Variants in C16orf46 observed in about 807,000 individuals in gnomAD.
The protein encoded by C16orf46 is chromosome 16 open reading frame 46, also known as uncharacterized protein C16orf46.
A neutral mutation model predicts 5.5 loss-of-function variants in C16orf46; 7 were observed. That is an observed-to-expected ratio of 1.28 (90% confidence interval 0.73 to 2.40). The LOEUF (loss-of-function observed/expected upper bound fraction) is 2.40, where lower values mean the gene tolerates loss of function less well. Ranked by LOEUF, C16orf46 falls within the 30% of genes most tolerant of loss-of-function variation. The pLI, the probability that C16orf46 is intolerant of heterozygous loss-of-function variation, is 0.00. For missense variants in C16orf46, 614 were observed against 476.0 expected (o/e 1.29, Z -2.70); for synonymous variants, 200 against 184.1 (o/e 1.09, Z -0.70).
chr16:81,074,259 A>G (rs1018720324), intron 1 of C16orf46, among the ~76,000 whole-genome samples: 1 of 152,246 alleles, frequency 6.6e-6, no homozygotes, highest in African/African-American at 2.4e-5. Flanking sequence ...CCTGGAACTG[A>G]AAGCAATACC....
intron 1 of C16orf46, among the ~76,000 whole-genome samples, chr16:81,073,065 T>C (rs1971910400): frequency 1.3e-5 from 2 of 152,212 alleles, no homozygotes; most frequent in Admixed American, 6.5e-5. Context: ...AGCTACCTTA[T>C]AGGAAGTCAC....
At chr16:81,054,010 T>C in exon 4 of C16orf46, 1 of 1,539,716 alleles carries the variant, frequency 6.5e-7, no homozygotes, top group Non-Finnish European at 9.0e-7. Context: ...AAATATTTGC[T>C]TTTATGATTA....
At position 81,061,891 on chromosome 16, in the gene C16orf46, G is replaced by A; in HGVS notation, c.458C>T (p.Pro153Leu). 1 of 1,614,194 alleles carries A rather than the reference G, an allele frequency of 6.2e-7. No homozygotes were observed. Among genetic ancestry groups the A allele is most frequent in the South Asian group, 1.1e-5 (1 of 91,084 alleles). ...ASRAISDICF[P>L]TYFRAEKKSL... ...TTTTTTCTCTGCTCGAAAGTAGGTG[G>A]GAAAGCAGATGTCGCTAATTGCCCT... The change falls in exon 4 of 4, where the codon CCC becomes CTC. Residue 153 changes from proline to leucine, a missense_variant. Physicochemically the swap from Pro to Leu is moderately conservative, Grantham distance 98. Transcript: ENST00000299578.
chr16:81,073,814 G>C (rs1039003866), intron 1 of C16orf46, among the ~76,000 whole-genome samples: 8 of 152,148 alleles, frequency 5.3e-5, no homozygotes, highest in African/African-American at 1.9e-4. Context: ...TTTACAGTGA[G>C]GAATTAAACA....
downstream of C16orf46, among the ~76,000 whole-genome samples, chr16:81,059,195 C>G (rs77071017): frequency 6.6e-6 from 1 of 151,558 alleles, no homozygotes; most frequent in East Asian, 1.9e-4. Flanking sequence ...GTGGTGGGCA[C>G]CTGTAATACA....
downstream of C16orf46, among the ~76,000 whole-genome samples, chr16:81,057,170 AG>A (rs1971322323): frequency 6.6e-6 from 1 of 152,214 alleles, no homozygotes; most frequent in Non-Finnish European, 1.5e-5. Flanking sequence ...AAGATAGGCC[AG>A]GTGATGGGGT....
At chr16:81,057,359 GC>G (rs1471557585), downstream of C16orf46, among the ~76,000 whole-genome samples, 7 of 151,988 alleles carry the variant, frequency 4.6e-5, no homozygotes, top group Middle Eastern at 6.8e-3. Context: ...GACTAGCCTG[GC>G]CTACATGGTG....
At chr16:81,074,037 A>C (rs376673311) in intron 1 of C16orf46, among the ~76,000 whole-genome samples, 43 of 152,360 alleles carry the variant, frequency 2.8e-4, no homozygotes, top group East Asian at 2.5e-3. Context: ...ACTTTACAGG[A>C]ATGTTTTTTC....
chr16:81,060,228 A>G (rs372005689), downstream of C16orf46, among the ~76,000 whole-genome samples: 1 of 152,194 alleles, frequency 6.6e-6, no homozygotes, highest in East Asian at 1.9e-4. Context: ...TAGTGTATAT[A>G]CATGGAAACA....
At chr16:81,063,246 GAAAAAAA>G (rs371975396) in intron 3 of C16orf46, among the ~76,000 whole-genome samples, 394 of 100,810 alleles carry the variant, frequency 3.9e-3, no homozygotes, top group African/African-American at 0.014. Context: ...CCATCTCAGG[GAAAAAAA>G]AAAAAAAAAA....
rs1836919342 is a variant in C16orf46, at chr16:81,061,655, A to C, written c.694T>G (p.Ser232Ala). The change falls in exon 4 of 4, where the codon TCT becomes GCT. Residue 232 changes from serine (S) to alanine (A), a missense_variant. Transcript: ENST00000299578. The stretch of plus-strand genomic sequence containing the variant: ...ACCTTCTCTTCTGACTGCAAGAAAG[A>C]GTTCTTACTCTTCTTACCCAGAACA... Reference protein sequence around the residue: ...LDVLGKKSKNSFLQSEEKVLD... With the variant: ...LDVLGKKSKNAFLQSEEKVLD... 1 of 1,614,180 alleles carries C rather than the reference A, an allele frequency of 6.2e-7. No individual in the cohort carries two copies. Among genetic ancestry groups the C allele is most frequent in the Admixed American group, 1.7e-5 (1 of 60,016 alleles).
downstream of C16orf46, chr16:81,056,158 CT>C (rs1397533732): frequency 6.6e-6 from 1 of 152,202 alleles, no homozygotes; most frequent in African/African-American, 2.4e-5. Context: ...TATTGGCTGC[CT>C]TTTCATATTT....
chr16:81,077,216 G>A lies in C16orf46; in HGVS notation c.-208C>T, dbSNP rs911399072. On this transcript the variant is annotated 5_prime_UTR_variant, in exon 1 of 4. Coordinates refer to ENST00000299578, the MANE Select transcript of C16orf46 (RefSeq NM_152337.3). ...AGAGCTACTCAGGTCGCTGCCGGAT[G>A]GGCCGTTGCCTTGGGTTACGACCAC... 6 of 152,308 alleles carry A rather than the reference G, an allele frequency of 3.9e-5. No individual in the cohort carries two copies. Among genetic ancestry groups the A allele is most frequent in the African/African-American group, 1.2e-4 (5 of 41,478 alleles). The allele number at this position is 152,308 out of a possible 1,614,324, so 9.4% of individuals were successfully genotyped here.
Position 81,072,991 on chromosome 16 carries a change from T to C in C16orf46, c.-128+4145A>G, listed in dbSNP as rs570551628. 2.6e-5 allele frequency among the ~76,000 whole-genome samples: 4 copies of C among 152,268 alleles called. No homozygotes were observed. The South Asian group carries it at 8.3e-4, about 32-fold the overall frequency. ...GTGCCCGGCCAATTATAACATACTT[T>C]AAAAAATAACTGGATGAAGAGTTAC... On this transcript the variant is annotated intron_variant, in intron 1 of 3. Transcript: ENST00000299578.
intron 1 of C16orf46, among the ~76,000 whole-genome samples, chr16:81,073,277 G>T (rs1007501221): frequency 6.6e-6 from 1 of 152,142 alleles, no homozygotes; most frequent in Non-Finnish European, 1.5e-5. Flanking sequence ...AAAGTCTCAG[G>T]AACACAAGCT....
downstream of C16orf46, among the ~76,000 whole-genome samples, chr16:81,057,358 G>C (rs939720077): frequency 6.6e-6 from 1 of 151,938 alleles, no homozygotes; most frequent in Non-Finnish European, 1.5e-5. Flanking sequence ...AGACTAGCCT[G>C]GCCTACATGG....
chr16:81,058,707 A>T (rs765770947), downstream of C16orf46, among the ~76,000 whole-genome samples: 1 of 152,352 alleles, frequency 6.6e-6, no homozygotes, highest in African/African-American at 2.4e-5. Flanking sequence ...CACTCAATAC[A>T]TTCAGGAAAA....
At chr16:81,059,308 G>A (rs542874051), downstream of C16orf46, among the ~76,000 whole-genome samples, 27 of 108,780 alleles carry the variant, frequency 2.5e-4, no homozygotes, top group South Asian at 7.7e-3. Context: ...GTGACAGAGC[G>A]AGACTCTGTC....
In C16orf46 at chr16:81,061,215, C is replaced by A; in HGVS notation, c.1134G>T (p.Pro378=). 4 of 1,613,862 alleles carry A rather than the reference C, an allele frequency of 2.5e-6. No individual in the cohort carries two copies. Among genetic ancestry groups the A allele is most frequent in the Non-Finnish European group, 3.4e-6 (4 of 1,179,872 alleles). ...ETKVFPRPVL[P]SLTVSRVIIP... Reference sequence around the variant, plus strand: ...TGATAACTCTGCTCACTGTGAGAGACGGCAAGACAGGTCTTGGGAAAACTT... The same window carrying A: ...TGATAACTCTGCTCACTGTGAGAGAAGGCAAGACAGGTCTTGGGAAAACTT... Residue 378 remains proline (P), a synonymous_variant, in exon 4 of 4, where the codon CCG becomes CCT. Coordinates refer to ENST00000299578, the MANE Select transcript of C16orf46 (RefSeq NM_152337.3).
Sources: gnomAD v4.1 joint callset for allele counts (sites outside exome capture counted in the v4.1 genomes callset) on GRCh38, gnomAD v4.1.1 for gene constraint, MANE v1.5 for transcripts, NCBI Gene and HGNC (gene_info 2026-07-23, HGNC 2026-07-21) for gene names.